The following PIRT variants were observed in gnomAD, a reference collection of about 807,000 sequenced individuals.
PIRT encodes the protein phosphoinositide-interacting protein.
A neutral mutation model predicts 7.9 loss-of-function variants in PIRT; 6 were observed. That is an observed-to-expected ratio of 0.76 (90% confidence interval 0.42 to 1.51). PIRT has a LOEUF of 1.51. PIRT is among the 40% of genes most tolerant of loss of function. The pLI is 0.01. For missense variants in PIRT, 170 were observed against 172.9 expected (o/e 0.98, Z 0.09); for synonymous variants, 78 against 71.8 (o/e 1.09, Z -0.44).
intron 1 of PIRT, among the ~76,000 whole-genome samples, chr17:10,827,628 C>T (rs111560033): frequency 0.014 from 2,080 of 151,786 alleles, 19 homozygotes; most frequent in Non-Finnish European, 0.019. Context: ...GTGCCCACCA[C>T]CACACGCAGC....
At chr17:10,830,030 T>C (rs1275491015) in intron 1 of PIRT, among the ~76,000 whole-genome samples, 1 of 151,948 alleles carries the variant, frequency 6.6e-6, no homozygotes, top group African/African-American at 2.4e-5. Context: ...CTATCTGCAA[T>C]GGTCCATGAA....
rs148198610 is a variant in PIRT at position 10,837,656 on chromosome 17, C to T, written c.-139+289G>A. On this transcript the variant is annotated intron_variant, in intron 1 of 1. Coordinates refer to ENST00000580256, the MANE Select transcript of PIRT (RefSeq NM_001101387.2). Reference sequence around the variant, plus strand: ...AAGAGTGAAGGCTGGATGCTATAGACGCAGGACTGAAGCAGCTCTCTGCCC... The same window carrying T: ...AAGAGTGAAGGCTGGATGCTATAGATGCAGGACTGAAGCAGCTCTCTGCCC... 1.4e-4 allele frequency among the ~76,000 whole-genome samples: 21 copies of T among 152,284 alleles called. 1 individual carries two copies. The highest frequency in any genetic ancestry group is 4.1e-4 in the South Asian group (2 of 4,826).
intron 1 of PIRT, among the ~76,000 whole-genome samples, chr17:10,831,047 C>G (rs1905451189): frequency 6.6e-6 from 1 of 152,198 alleles, no homozygotes; most frequent in South Asian, 2.1e-4. Context: ...AGCCTTTCCT[C>G]CTGCCTAGCT....
intron 1 of PIRT, among the ~76,000 whole-genome samples, chr17:10,835,615 C>A (rs574563153): frequency 6.6e-6 from 1 of 152,330 alleles, no homozygotes; most frequent in Non-Finnish European, 1.5e-5. Context: ...GAACTGCAGC[C>A]TTGGCTGAGG....
chr17:10,829,640 A>G (rs1263587813), intron 1 of PIRT, among the ~76,000 whole-genome samples: 1 of 152,180 alleles, frequency 6.6e-6, no homozygotes, highest in East Asian at 1.9e-4. Flanking sequence ...CTCAACTACA[A>G]GAATCTTGAG....
chr17:10,827,266 G>A (rs1905344364), intron 1 of PIRT, among the ~76,000 whole-genome samples: 1 of 152,098 alleles, frequency 6.6e-6, no homozygotes, highest in East Asian at 1.9e-4. Flanking sequence ...GAGCCCATCT[G>A]CATAGCTCTC....
intron 1 of PIRT, among the ~76,000 whole-genome samples, chr17:10,830,179 C>T (rs1180514623): frequency 6.6e-6 from 1 of 152,130 alleles, no homozygotes; most frequent in Non-Finnish European, 1.5e-5. Context: ...TGCCTACCCT[C>T]CTCTCCCTCC....
intron 1 of PIRT, among the ~76,000 whole-genome samples, chr17:10,827,770 C>T (rs1024884152): frequency 6.6e-6 from 1 of 152,090 alleles, no homozygotes; most frequent in African/African-American, 2.4e-5. Flanking sequence ...CCACCGCACC[C>T]AGCCTAGATT....
At chr17:10,827,990 T>C (rs756788087) in intron 1 of PIRT, among the ~76,000 whole-genome samples, 1 of 152,230 alleles carries the variant, frequency 6.6e-6, no homozygotes, top group Non-Finnish European at 1.5e-5. Context: ...TACATTGCTT[T>C]GTACCCAAGA....
chr17:10,825,178 T>C lies in PIRT; in HGVS notation c.*54A>G. 6.3e-7 allele frequency: 1 copy of C among 1,579,322 alleles called. No homozygotes were observed. Among genetic ancestry groups the C allele is most frequent in the Non-Finnish European group, 8.6e-7 (1 of 1,158,118 alleles). On this transcript the variant is annotated 3_prime_UTR_variant, in exon 2 of 2. Transcript: ENST00000580256. ...ACAGAGGAGACAGGGATGTCGGATG[T>C]TGGTCATCAGATCTTCTCCCAGTCA...
At position 10,837,478 on chromosome 17, in the gene PIRT, A is replaced by G. The variant is rs78064608; in HGVS notation, c.-139+467T>C. Reference sequence around the variant, plus strand: ...ACATTGGCAGCTGCAGAGGTCTGACACAGGGTGCTCAGGAGGACGGCTGGG... The same window carrying G: ...ACATTGGCAGCTGCAGAGGTCTGACGCAGGGTGCTCAGGAGGACGGCTGGG... On this transcript the variant is annotated intron_variant, in intron 1 of 1. Transcript: ENST00000580256. Among the ~76,000 whole-genome samples, 1,078 of 152,316 alleles carry G rather than the reference A, an allele frequency of 7.1e-3. 14 individuals are homozygous for G. The highest frequency in any genetic ancestry group is 0.025 in the African/African-American group (1,031 of 41,578).
chr17:10,825,472 G>A lies in PIRT; in HGVS notation c.174C>T (p.Ile58=). 1.2e-6 allele frequency: 2 copies of A among 1,613,964 alleles called. No individual in the cohort carries two copies. The highest frequency in any genetic ancestry group is 1.7e-6 in the Non-Finnish European group (2 of 1,179,874). ...GCAGGATGGCACCGCCCACTGACAT[G>A]ATAACGATGGGCTTGCGGTAGATTT... The part of the protein sequence containing the change: ...NWEIYRKPIV[I]MSVGGAILLF... Residue 58 remains isoleucine (I), a synonymous_variant, in exon 2 of 2, where the codon ATC becomes ATT. Transcript: ENST00000580256.
chr17:10,825,579 G>T lies in PIRT; in HGVS notation c.67C>A (p.Leu23Met). 6.3e-7 allele frequency: 1 copy of T among 1,576,630 alleles called. No individual in the cohort carries two copies. Among genetic ancestry groups the T allele is most frequent in the Non-Finnish European group, 8.6e-7 (1 of 1,160,778 alleles). The stretch of plus-strand genomic sequence containing the variant: ...AGGGAGCTGGCGGTCTGGCTGGGCA[G>T]CAGGTCCTTGGCTTCTGGAGACTTC... Reference protein sequence around the residue: ...DEKSPEAKDLLPSQTASSLCI... With the variant: ...DEKSPEAKDLMPSQTASSLCI... Residue 23 changes from leucine to methionine, a missense_variant, in exon 2 of 2, where the codon CTG (leucine) becomes ATG (methionine). Transcript: ENST00000580256.
Position 10,825,706 on chromosome 17 carries a change from GA to G in PIRT, c.-62del, listed in dbSNP as rs763567059. ...GTTGGAAACAAGAGTGGAGCCAAAG[GA>G]ATCCTCACACACCCTTCCTGTACTC... is the stretch of plus-strand genomic sequence containing the variant. On this transcript the variant is annotated 5_prime_UTR_variant, in exon 2 of 2. An upstream open reading frame in the 5' UTR loses its in-frame stop. Coordinates refer to ENST00000580256, the MANE Select transcript of PIRT (RefSeq NM_001101387.2). 216 of 1,432,846 alleles carry G rather than the reference GA, an allele frequency of 1.5e-4. No individual in the cohort carries two copies. Among genetic ancestry groups the G allele is most frequent in the Middle Eastern group, 2.5e-4 (1 of 4,024 alleles). The allele number at this position is 1,432,846 out of a possible 1,614,324, so 88.8% of individuals were successfully genotyped here.
chr17:10,828,757 A>G (rs1905392726), intron 1 of PIRT, among the ~76,000 whole-genome samples: 1 of 152,188 alleles, frequency 6.6e-6, no homozygotes, highest in Admixed American at 6.5e-5. Context: ...CTCACTGCTC[A>G]GGCCTGAACT....
chr17:10,826,099 G>A (rs1018700093), intron 1 of PIRT, among the ~76,000 whole-genome samples: 2 of 152,046 alleles, frequency 1.3e-5, no homozygotes, highest in African/African-American at 4.8e-5. Flanking sequence ...GAGTAGCTGT[G>A]ATTCCAGGCA....
chr17:10,828,142 A>G (rs1362351028), intron 1 of PIRT, among the ~76,000 whole-genome samples: 1 of 152,172 alleles, frequency 6.6e-6, no homozygotes, highest in Non-Finnish European at 1.5e-5. Flanking sequence ...ACACTTATTT[A>G]TCTTCTAGCA....
At chr17:10,834,910 T>G (rs1597589267) in intron 1 of PIRT, among the ~76,000 whole-genome samples, 1 of 151,856 alleles carries the variant, frequency 6.6e-6, no homozygotes. Flanking sequence ...TTTTTTTTTT[T>G]TTAACTACAG....
At chr17:10,837,074 G>A (rs372582682) in intron 1 of PIRT, among the ~76,000 whole-genome samples, 86 of 152,274 alleles carry the variant, frequency 5.6e-4, no homozygotes, top group African/African-American at 2.0e-3. Context: ...TGAGTAAGCC[G>A]CTGCTGTCAC....
Sources: allele counts gnomAD v4.1 joint callset (sites outside exome capture counted in the v4.1 genomes callset), GRCh38; gene constraint gnomAD v4.1.1; transcripts MANE v1.5; gene names NCBI Gene and HGNC (gene_info 2026-07-23, HGNC 2026-07-21).